Variants in RPS6 observed in about 807,000 individuals in gnomAD.
The protein encoded by RPS6 is small ribosomal subunit protein eS6.
RPS6 carries 1 observed loss-of-function variant against 27.1 expected under a neutral mutation model. The ratio of observed to expected loss-of-function variants is 0.04; its 90% CI spans 0.01 to 0.18. The LOEUF is 0.18. Ranked by LOEUF, RPS6 falls within the 10% of genes least tolerant of loss-of-function variation. The pLI is 1.00. For synonymous variants in RPS6, 152 were observed against 106.0 expected, an observed-to-expected ratio of 1.43 and a Z score of -2.66; for missense variants, 259 against 319.1, an observed-to-expected ratio of 0.81 and a Z score of 1.44.
At position 19,376,576 on chromosome 9, in the gene RPS6, C is replaced by T. The variant is rs779944596; in HGVS notation, c.572G>A (p.Arg191His). Residue 191 changes from arginine (R) to histidine (H), a missense_variant, in exon 5 of 6, where the codon CGT (arginine) becomes CAT (histidine). Arg to His is a conservative substitution (Grantham distance 29). This residue lies in a region of RPS6 where 191 missense variants were observed against 231.6 expected (regional missense o/e 0.82). Transcript: ENST00000380394. ...TPRVLQHKRR[R>H]IALKKQRTKK... ...GGTACGCTGCTTCTTCAGAGCAATA[C>T]GCCGCCGTTTGTGCTGCAGGACACG... 8.7e-6 allele frequency: 14 copies of T among 1,614,000 alleles called. No homozygotes were observed. The highest frequency in any genetic ancestry group is 1.7e-5 in the Admixed American group (1 of 60,008).
chr9:19,379,817 T>C, intron 1 of RPS6, 199 bp from the exon 2 acceptor site: 1 of 1,428,284 alleles, frequency 7.0e-7, no homozygotes, highest in Non-Finnish European at 9.1e-7. Context: ...AGCAGGACGT[T>C]TTCCCCTCAA....
intron 4 of RPS6, among the ~76,000 whole-genome samples, chr9:19,377,247 G>C (rs1271826353): frequency 6.6e-6 from 1 of 152,158 alleles, no homozygotes; most frequent in Non-Finnish European, 1.5e-5. Context: ...TAAATGCTCA[G>C]ATGTTCAGAT....
Position 19,378,840 on chromosome 9 carries a change from C to T in RPS6, c.217G>A (p.Val73Ile). 6.2e-7 allele frequency: 1 copy of T among 1,614,206 alleles called. No homozygotes were observed. Among genetic ancestry groups the T allele is most frequent in the Non-Finnish European group, 8.5e-7 (1 of 1,180,042 alleles). The change falls in exon 3 of 6, where the codon GTC becomes ATC. Residue 73 changes from valine (V) to isoleucine (I), a missense_variant. Around this residue, in one of 3 missense-constraint regions of RPS6, gnomAD observed 191 missense variants for 231.6 expected, o/e 0.82. Transcript: ENST00000380394. Reference sequence around the variant, plus strand: ...TGCCCCTTACTCAGTAGCAGGCGGACACGGCCATGGGTCAAGACACCCTGC... The same window carrying T: ...TGCCCCTTACTCAGTAGCAGGCGGATACGGCCATGGGTCAAGACACCCTGC... ...MKQGVLTHGR[V>I]RLLLSKGHSC... is the part of the protein sequence containing the mutation.
Position 19,380,231 on chromosome 9 carries a change from A to C in RPS6, c.-36T>G, listed in dbSNP as rs770389372. Reference sequence around the variant, plus strand: ...CTGAACGCCTCCGAGGCGCCACGGAAAAGAGGGCCAACTTCCGCTTAGCGC... The same window carrying C: ...CTGAACGCCTCCGAGGCGCCACGGACAAGAGGGCCAACTTCCGCTTAGCGC... On this transcript the variant is annotated 5_prime_UTR_variant, in exon 1 of 6. Transcript: ENST00000380394. 5.0e-6 allele frequency: 8 copies of C among 1,610,130 alleles called. No homozygotes were observed. The highest frequency in any genetic ancestry group is 6.8e-6 in the Non-Finnish European group (8 of 1,176,500).
At chr9:19,380,136 G>A (rs878869189) in intron 1 of RPS6, 54 bp downstream of exon 1, 1 of 1,613,966 alleles carries the variant, frequency 6.2e-7, no homozygotes, top group South Asian at 1.1e-5. Context: ...GCCGCGTTCT[G>A]GGACTCGATT....
chr9:19,378,115 T>C (rs1829620618), intron 4 of RPS6, among the ~76,000 whole-genome samples: 1 of 152,158 alleles, frequency 6.6e-6, no homozygotes, highest in South Asian at 2.1e-4. Context: ...CAGGTTATTT[T>C]TGGATAATGT....
At chr9:19,377,326 C>CGT (rs1563857850) in intron 4 of RPS6, among the ~76,000 whole-genome samples, 1 of 151,728 alleles carries the variant, frequency 6.6e-6, no homozygotes, top group Admixed American at 6.6e-5. Flanking sequence ...AACCAGACCA[C>CGT]GCTTGTATTA....
At chr9:19,376,730 AC>A in intron 4 of RPS6, 79 bp from the exon 5 acceptor site, 1 of 1,409,630 alleles carries the variant, frequency 7.1e-7, no homozygotes, top group South Asian at 1.3e-5. Flanking sequence ...TCAGAAATAA[AC>A]GTAAGCTTAA....
intron 4 of RPS6, among the ~76,000 whole-genome samples, chr9:19,377,294 G>C (rs1829604472): frequency 6.6e-6 from 1 of 151,584 alleles, no homozygotes; most frequent in African/African-American, 2.4e-5. Context: ...ATAGACATAA[G>C]AACCATCTAA....
chr9:19,376,753 A>G, intron 4 of RPS6, 102 bp from the exon 5 acceptor site: 2 of 1,182,564 alleles, frequency 1.7e-6, no homozygotes, highest in Non-Finnish European at 2.3e-6. Flanking sequence ...AGCATCTATG[A>G]AAACCTATAA....
intron 1 of RPS6, chr9:19,379,825 C>G (rs1829649575): frequency 7.0e-7 from 1 of 1,427,370 alleles, no homozygotes; most frequent in African/African-American, 1.4e-5. Flanking sequence ...GTTTTCCCCT[C>G]AAGCCCCGCG....
chr9:19,379,934 C>T (rs1467050209), intron 1 of RPS6: 5 of 1,433,000 alleles, frequency 3.5e-6, no homozygotes, highest in Admixed American at 2.9e-5. Context: ...GCAAACTGGG[C>T]AACACGCCGC....
In RPS6 at chr9:19,376,665, G is replaced by A. The variant is rs767832177; in HGVS notation, c.497-14C>T. 3 of 1,591,116 alleles carry A rather than the reference G, an allele frequency of 1.9e-6. No homozygotes were observed. Among genetic ancestry groups the A allele is most frequent in the African/African-American group, 2.7e-5 (2 of 73,260 alleles). ...TAGGTTTCTTACCTAAAAATTCAAA[G>A]GACTCAATCATTTCAATATTTGTTT... On this transcript the variant is annotated splice_polypyrimidine_tract_variant and intron_variant, in intron 4 of 5. Transcript: ENST00000380394.
rs1829633310 is a variant in RPS6, at chr9:19,378,932, CAATG to C, written c.139-18_139-15del. Reference sequence around the variant, plus strand: ...GACCACATAACCCTGCAAGAGCATACAATGAATGACACATTTACTATTTCTATTC... The same window carrying C: ...GACCACATAACCCTGCAAGAGCATACAATGACACATTTACTATTTCTATTC... On this transcript the variant is annotated splice_polypyrimidine_tract_variant and intron_variant, in intron 2 of 5. Transcript: ENST00000380394. 3 of 1,611,106 alleles carry C rather than the reference CAATG, an allele frequency of 1.9e-6. No individual in the cohort carries two copies. Among genetic ancestry groups the C allele is most frequent in the South Asian group, 2.2e-5 (2 of 90,860 alleles).
chr9:19,378,848 T>C lies in RPS6; in HGVS notation c.209A>G (p.His70Arg). 6.2e-7 allele frequency: 1 copy of C among 1,614,238 alleles called. No homozygotes were observed. Among genetic ancestry groups the C allele is most frequent in the Non-Finnish European group, 8.5e-7 (1 of 1,180,040 alleles). The change falls in exon 3 of 6, where the codon CAT becomes CGT. Residue 70 changes from histidine (H) to arginine (R), a missense_variant. By Grantham distance (29) the His-to-Arg change is conservative. Around this residue, in one of 3 missense-constraint regions of RPS6, gnomAD observed 191 missense variants for 231.6 expected, o/e 0.82. Coordinates refer to ENST00000380394, the MANE Select transcript of RPS6 (RefSeq NM_001010.3). ...GFPMKQGVLT[H>R]GRVRLLLSKG... ...ACTCAGTAGCAGGCGGACACGGCCA[T>C]GGGTCAAGACACCCTGCTTCATGGG...
At chr9:19,379,650 A>C in intron 1 of RPS6, 32 bp from the exon 2 acceptor site, 1 of 1,598,572 alleles carries the variant, frequency 6.3e-7, no homozygotes, top group South Asian at 1.1e-5. Flanking sequence ...ATAGTTTACG[A>C]AACTATCTAT....
chr9:19,377,696 A>G (rs568419287), intron 4 of RPS6, among the ~76,000 whole-genome samples: 1 of 152,200 alleles, frequency 6.6e-6, no homozygotes, highest in African/African-American at 2.4e-5. Flanking sequence ...TATGTTGTCT[A>G]CTATATGGAC....
In RPS6 at chr9:19,376,615, C is replaced by T; in HGVS notation, c.533G>A (p.Arg178His). 6.2e-7 allele frequency: 1 copy of T among 1,614,082 alleles called. No individual in the cohort carries two copies. Among genetic ancestry groups the T allele is most frequent in the Non-Finnish European group, 8.5e-7 (1 of 1,180,012 alleles). Residue 178 changes from arginine (R) to histidine (H), a missense_variant, in exon 5 of 6, where the codon CGT becomes CAT. By Grantham distance (29) the Arg-to-His change is conservative (BLOSUM62 0). Transcript: ENST00000380394. ...CTGCAGGACACGTGGAGTAACAAGA[C>T]GCTGAATCTTGGGTGCTTTGGTCCT... ...KPRTKAPKIQ[R>H]LVTPRVLQHK...
At chr9:19,377,832 G>A (rs1447343959) in intron 4 of RPS6, among the ~76,000 whole-genome samples, 1 of 152,176 alleles carries the variant, frequency 6.6e-6, no homozygotes, top group African/African-American at 2.4e-5. Flanking sequence ...AGATGAAACA[G>A]AAGTTTAAAG....
Sources: gnomAD v4.1 joint callset for allele counts (sites outside exome capture counted in the v4.1 genomes callset) on GRCh38, gnomAD v4.1.1 for gene constraint, gnomAD v4.1.1 regional missense constraint, MANE v1.5 for transcripts, NCBI Gene and HGNC (gene_info 2026-07-23, HGNC 2026-07-21) for gene names.